FHIT: variants seen among roughly 807,000 people sequenced by gnomAD.
The protein encoded by FHIT is fragile histidine triad diadenosine triphosphatase.
In FHIT, 19 loss-of-function variants were observed where a neutral mutation model predicts 17.9. The ratio of observed to expected loss-of-function variants is 1.06; its 90% CI spans 0.74 to 1.56. The LOEUF is 1.56. Ranked by LOEUF, FHIT falls within the 40% of genes most tolerant of loss-of-function variation. FHIT has a pLI of 0.00. For synonymous variants in FHIT, 81 were observed against 69.7 expected, an observed-to-expected ratio of 1.16 and a Z score of -0.81; for missense variants, 248 against 189.2, an observed-to-expected ratio of 1.31 and a Z score of -1.82.
At chr3:60,443,050 T>C (rs2031032005) in intron 5 of FHIT, among the ~76,000 whole-genome samples, 1 of 152,142 alleles carries the variant, frequency 6.6e-6, no homozygotes, top group African/African-American at 2.4e-5. Flanking sequence ...GAATGGGAGT[T>C]CACTCATGAT....
chr3:60,110,883 T>C (rs574017804), intron 5 of FHIT, among the ~76,000 whole-genome samples: 5 of 152,336 alleles, frequency 3.3e-5, no homozygotes, highest in African/African-American at 4.8e-5. Flanking sequence ...TAAAATCTTC[T>C]ATTCCATATA....
At chr3:60,503,173 C>G (rs1441317298) in intron 5 of FHIT, among the ~76,000 whole-genome samples, 1 of 152,154 alleles carries the variant, frequency 6.6e-6, no homozygotes, top group African/African-American at 2.4e-5. Context: ...AGTAAAATAA[C>G]TTTAAAATAT....
chr3:60,121,882 T>A (rs1431552842), intron 5 of FHIT, among the ~76,000 whole-genome samples: 3 of 152,152 alleles, frequency 2.0e-5, no homozygotes, highest in South Asian at 4.1e-4. Context: ...TCTAATTCTA[T>A]GAGACATTTC....
rs191666539 is a variant in FHIT, at chr3:59,763,308, A to T, written c.349-10987T>A. Among the ~76,000 whole-genome samples, 3 of 152,348 alleles carry T rather than the reference A, an allele frequency of 2.0e-5. No homozygotes were observed. The East Asian group carries it at 5.8e-4, about 29-fold the overall frequency. ...GAGAAAGAAAAATCTGCACTACAAG[A>T]TGCTACGCAAACACACAACTAAGAG... On this transcript the variant is annotated intron_variant, in intron 8 of 9. Coordinates refer to ENST00000492590, the MANE Select transcript of FHIT (RefSeq NM_002012.4).
At chr3:60,940,162 T>G (rs940877948) in intron 3 of FHIT, among the ~76,000 whole-genome samples, 3 of 152,150 alleles carry the variant, frequency 2.0e-5, no homozygotes, top group African/African-American at 7.2e-5. Context: ...TTATCATAGT[T>G]TTATGCTCCT....
intron 2 of FHIT, among the ~76,000 whole-genome samples, chr3:61,128,556 G>A (rs2036675682): frequency 6.6e-6 from 1 of 152,072 alleles, no homozygotes; most frequent in Non-Finnish European, 1.5e-5. Flanking sequence ...CCCATCCACA[G>A]GGGTTATATG....
At chr3:60,893,852 G>A (rs1462294137) in intron 3 of FHIT, among the ~76,000 whole-genome samples, 1 of 152,168 alleles carries the variant, frequency 6.6e-6, no homozygotes, top group African/African-American at 2.4e-5. Context: ...CACAAACCAA[G>A]AGAGAGAAAT....
At chr3:60,774,797 A>G (rs1168435313) in intron 4 of FHIT, among the ~76,000 whole-genome samples, 1 of 152,216 alleles carries the variant, frequency 6.6e-6, no homozygotes, top group East Asian at 1.9e-4. Flanking sequence ...GGCAAGCAGC[A>G]CAGACATCAC....
intron 4 of FHIT, among the ~76,000 whole-genome samples, chr3:60,569,755 A>ATATACATATATATATATATATATTTTT: frequency 1.3e-5 from 1 of 77,344 alleles, no homozygotes; most frequent in Non-Finnish European, 2.3e-5. Context: ...ATATATATAT[A>ATATACATATATATATATATATATTTTT]TTTTTTTTTT....
chr3:60,077,122 A>G (rs1408868843), intron 5 of FHIT, among the ~76,000 whole-genome samples: 2 of 152,102 alleles, frequency 1.3e-5, no homozygotes, highest in Non-Finnish European at 2.9e-5. Context: ...GAAAATATTG[A>G]CAATTAAAAA....
At chr3:60,485,176 G>C (rs1475821829) in intron 5 of FHIT, among the ~76,000 whole-genome samples, 1 of 152,188 alleles carries the variant, frequency 6.6e-6, no homozygotes, top group African/African-American at 2.4e-5. Context: ...AGGCTGTGGA[G>C]AAATTAGAAT....
At chr3:60,019,053 A>G (rs1700452340) in intron 5 of FHIT, among the ~76,000 whole-genome samples, 1 of 152,170 alleles carries the variant, frequency 6.6e-6, no homozygotes, top group African/African-American at 2.4e-5. Context: ...GTTTTTGCTG[A>G]GGGTCTCACC....
chr3:60,415,950 A>G, intron 5 of FHIT, among the ~76,000 whole-genome samples: 1 of 148,860 alleles, frequency 6.7e-6, no homozygotes, highest in South Asian at 2.1e-4. Context: ...TATAGTGTAA[A>G]ATATATTATA....
At chr3:61,062,048 T>C (rs2034448377) in intron 2 of FHIT, among the ~76,000 whole-genome samples, 1 of 152,174 alleles carries the variant, frequency 6.6e-6, no homozygotes, top group Non-Finnish European at 1.5e-5. Flanking sequence ...TATAGACATA[T>C]AATACTATAT....
chr3:60,681,082 A>T (rs1376706884), intron 4 of FHIT, among the ~76,000 whole-genome samples: 1 of 152,220 alleles, frequency 6.6e-6, no homozygotes, highest in Non-Finnish European at 1.5e-5. Context: ...ATTGCACTTC[A>T]CAGATAATGT....
intron 3 of FHIT, among the ~76,000 whole-genome samples, chr3:60,870,346 G>T (rs1450829097): frequency 6.6e-6 from 1 of 152,178 alleles, no homozygotes; most frequent in African/African-American, 2.4e-5. Flanking sequence ...GTGGTCAGTT[G>T]TAGAAAAATA....
intron 4 of FHIT, among the ~76,000 whole-genome samples, chr3:60,678,960 TA>T (rs34590329): frequency 6.7e-4 from 95 of 142,354 alleles, no homozygotes; most frequent in African/African-American, 1.5e-3. Context: ...TTTGAGTCCT[TA>T]AAAAAAAAAA....
chr3:61,075,398 C>T (rs985865069), intron 2 of FHIT, among the ~76,000 whole-genome samples: 3 of 152,076 alleles, frequency 2.0e-5, no homozygotes, highest in Non-Finnish European at 2.9e-5. Context: ...ATGGCATCTA[C>T]ACTTATAGGG....
At chr3:60,973,567 A>C (rs1290592812) in intron 3 of FHIT, among the ~76,000 whole-genome samples, 10 of 152,200 alleles carry the variant, frequency 6.6e-5, no homozygotes, top group African/African-American at 2.2e-4. Context: ...TCAGGAAAGA[A>C]TTTAAGCTAT....
Sources: allele counts gnomAD v4.1 joint callset (sites outside exome capture counted in the v4.1 genomes callset), GRCh38; gene constraint gnomAD v4.1.1; transcripts MANE v1.5; gene names NCBI Gene and HGNC (gene_info 2026-07-23, HGNC 2026-07-21).